Variants in PPARGC1A observed in about 807,000 individuals in gnomAD.
PPARGC1A encodes the protein peroxisome proliferator-activated receptor gamma coactivator 1-alpha.
Under a neutral mutation model 88.7 loss-of-function variants are expected in PPARGC1A, and 25 were observed. The ratio of observed to expected loss-of-function variants is 0.28; its 90% CI spans 0.21 to 0.39. The LOEUF is 0.39. PPARGC1A is among the 10% of genes least tolerant of loss of function. The probability of loss-of-function intolerance (pLI) is 1.00; values close to 1 mark genes in which losing one functional copy is unlikely to be tolerated. For missense variants in PPARGC1A, 880 were observed against 968.7 expected, an observed-to-expected ratio of 0.91 and a Z score of 1.22; for synonymous variants, 363 against 355.6, an observed-to-expected ratio of 1.02 and a Z score of -0.24.
the PPARGC1A span, among the ~76,000 whole-genome samples, chr4:24,362,784 C>T: frequency 1.3e-5 from 2 of 152,152 alleles, no homozygotes; most frequent in Non-Finnish European, 1.5e-5. Flanking sequence ...TAAGCACCAC[C>T]ACTCACTTCC....
chr4:24,229,980 ATCCC>A, the PPARGC1A span, among the ~76,000 whole-genome samples: 1 of 152,180 alleles, frequency 6.6e-6, no homozygotes, highest in Non-Finnish European at 1.5e-5. Flanking sequence ...GCAGACCAAA[ATCCC>A]AAAATCTCAC....
At chr4:24,431,136 A>G in the PPARGC1A span, among the ~76,000 whole-genome samples, 1 of 151,170 alleles carries the variant, frequency 6.6e-6, no homozygotes, top group Non-Finnish European at 1.5e-5. Flanking sequence ...AAAAAAAAAA[A>G]AAAAAAGAGA....
the PPARGC1A span, among the ~76,000 whole-genome samples, chr4:23,934,275 C>T: frequency 6.6e-6 from 1 of 152,162 alleles, no homozygotes; most frequent in African/African-American, 2.4e-5. Flanking sequence ...AAGGGGACGT[C>T]ACTGGATCCA....
the PPARGC1A span, among the ~76,000 whole-genome samples, chr4:24,393,989 C>T: frequency 6.6e-6 from 1 of 152,030 alleles, no homozygotes; most frequent in African/African-American, 2.4e-5. Flanking sequence ...AATTTTATGG[C>T]ACTAATTTAA....
At chr4:23,858,297 C>G (rs1445673767) in intron 2 of PPARGC1A, among the ~76,000 whole-genome samples, 2 of 152,066 alleles carry the variant, frequency 1.3e-5, no homozygotes, top group African/African-American at 2.4e-5. Flanking sequence ...TTTTTTTACT[C>G]CCTGGTTCAC....
chr4:24,109,339 A>ACT, the PPARGC1A span, among the ~76,000 whole-genome samples: 46 of 143,604 alleles, frequency 3.2e-4, no homozygotes, highest in Admixed American at 1.1e-3. Flanking sequence ...ACACACACAC[A>ACT]CTTTTATTCG....
At chr4:24,212,810 C>T in the PPARGC1A span, among the ~76,000 whole-genome samples, 2 of 152,196 alleles carry the variant, frequency 1.3e-5, no homozygotes, top group Non-Finnish European at 2.9e-5. Context: ...ATCCTCCTAG[C>T]CCATTCTTAC....
At chr4:23,866,806 A>T (rs1351315267) in intron 2 of PPARGC1A, among the ~76,000 whole-genome samples, 1 of 151,876 alleles carries the variant, frequency 6.6e-6, no homozygotes, top group East Asian at 1.9e-4. Context: ...CTGACTATTT[A>T]ATTCATTTCT....
chr4:24,139,811 G>A, the PPARGC1A span, among the ~76,000 whole-genome samples: 1 of 152,170 alleles, frequency 6.6e-6, no homozygotes, highest in Admixed American at 6.5e-5. Flanking sequence ...GTGCTCATTT[G>A]TGAGCTTAAA....
the PPARGC1A span, among the ~76,000 whole-genome samples, chr4:24,120,105 T>C: frequency 6.6e-6 from 1 of 152,182 alleles, no homozygotes; most frequent in African/African-American, 2.4e-5. Flanking sequence ...TTATGTAATA[T>C]TTGCATAAAT....
chr4:24,121,845 G>A, the PPARGC1A span, among the ~76,000 whole-genome samples: 54 of 152,322 alleles, frequency 3.5e-4, 1 homozygote, highest in East Asian at 7.7e-3. Flanking sequence ...CGGCAGTGGT[G>A]AGAGTGGCAT....
intron 3 of PPARGC1A, 200 bp from the exon 4 acceptor site, chr4:23,829,785 T>C: frequency 3.0e-6 from 1 of 335,528 alleles, no homozygotes; most frequent in Non-Finnish European, 5.1e-6. Flanking sequence ...GGCATTACAC[T>C]ACCAACTATG....
chr4:24,231,705 G>A, the PPARGC1A span, among the ~76,000 whole-genome samples: 44 of 152,116 alleles, frequency 2.9e-4, no homozygotes, highest in African/African-American at 1.0e-3. Context: ...TGGGGGTGCC[G>A]TTAACCATTA....
chr4:23,795,982 A>G lies in PPARGC1A; in HGVS notation c.2294-57T>C, dbSNP rs1044977742. ...CACTTTGCTGATGGCCATTAACTCA[A>G]TCATTCCAATTCAAGATTACTGGAT... On this transcript the variant is annotated intron_variant, in intron 12 of 12. Coordinates refer to ENST00000264867, the MANE Select transcript of PPARGC1A (RefSeq NM_013261.5). The G allele has an allele frequency of 6.9e-6, 8 of 1,161,622 alleles. No individual in the cohort carries two copies. In the African/African-American group the frequency reaches 1.1e-4, roughly 16 times the overall value. The allele number at this position is 1,161,622 out of a possible 1,614,324, so 72.0% of individuals were successfully genotyped here.
the PPARGC1A span, among the ~76,000 whole-genome samples, chr4:24,416,409 C>T: frequency 6.6e-6 from 1 of 152,090 alleles, no homozygotes; most frequent in Non-Finnish European, 1.5e-5. Flanking sequence ...GGCACGGGAC[C>T]ATGTGAGAGG....
chr4:24,417,993 G>A, the PPARGC1A span, among the ~76,000 whole-genome samples: 2 of 151,482 alleles, frequency 1.3e-5, no homozygotes, highest in African/African-American at 4.8e-5. Context: ...TGTTTTTTCT[G>A]TAAGAATATT....
chr4:24,053,174 AT>A, the PPARGC1A span, among the ~76,000 whole-genome samples: 5 of 148,732 alleles, frequency 3.4e-5, no homozygotes, highest in Admixed American at 6.7e-5. Flanking sequence ...CCTGGCCCAG[AT>A]TTTTTTTTTA....
At chr4:24,288,481 G>A in the PPARGC1A span, among the ~76,000 whole-genome samples, 2 of 152,188 alleles carry the variant, frequency 1.3e-5, no homozygotes, top group African/African-American at 4.8e-5. Flanking sequence ...TAACTATGGA[G>A]TTCAAGATGA....
the PPARGC1A span, among the ~76,000 whole-genome samples, chr4:24,298,599 C>T: frequency 6.6e-6 from 1 of 152,108 alleles, no homozygotes; most frequent in Non-Finnish European, 1.5e-5. Context: ...CATTTTACCT[C>T]CCTAACAGGT....
Sources: gnomAD v4.1 joint callset for allele counts (sites outside exome capture counted in the v4.1 genomes callset) on GRCh38, gnomAD v4.1.1 for gene constraint, MANE v1.5 for transcripts, NCBI Gene and HGNC (gene_info 2026-07-23, HGNC 2026-07-21) for gene names.